KLF12: variants seen among roughly 807,000 people sequenced by gnomAD.
KLF12 encodes the protein KLF transcription factor 12.
A neutral mutation model predicts 37.8 loss-of-function variants in KLF12; 9 were observed. That is an observed-to-expected ratio of 0.24 (90% confidence interval 0.14 to 0.42). The LOEUF is 0.42. Ranked by LOEUF, KLF12 falls within the 10% of genes least tolerant of loss-of-function variation. The pLI is 1.00. For synonymous variants in KLF12, 208 were observed against 202.1 expected, an observed-to-expected ratio of 1.03 and a Z score of -0.25; for missense variants, 411 against 516.0, an observed-to-expected ratio of 0.80 and a Z score of 1.97.
At chr13:73,702,433 G>T (rs771878917) in intron 7 of KLF12, among the ~76,000 whole-genome samples, 7 of 152,130 alleles carry the variant, frequency 4.6e-5, no homozygotes, top group South Asian at 2.1e-4. Flanking sequence ...ATGCTGAAAG[G>T]TACATGTGTA....
At chr13:74,147,167 G>A in the KLF12 span, among the ~76,000 whole-genome samples, 65 of 152,312 alleles carry the variant, frequency 4.3e-4, no homozygotes, top group African/African-American at 1.5e-3. Flanking sequence ...TTTATCTAGA[G>A]ACTCTGAAGT....
At chr13:73,811,817 A>C (rs950540696) in intron 5 of KLF12, among the ~76,000 whole-genome samples, 3 of 152,222 alleles carry the variant, frequency 2.0e-5, no homozygotes, top group African/African-American at 7.2e-5. Context: ...CATATACAAT[A>C]TCAACATATA....
At chr13:73,716,871 T>C (rs978406421) in intron 6 of KLF12, among the ~76,000 whole-genome samples, 13 of 152,228 alleles carry the variant, frequency 8.5e-5, no homozygotes, top group African/African-American at 3.1e-4. Flanking sequence ...TAAAATATTT[T>C]AACCATCTCC....
rs545268197 is a variant in KLF12 at position 74,004,468 on chromosome 13, T to C, written c.-31-9415A>G. Among the ~76,000 whole-genome samples the C allele has an allele frequency of 2.0e-5, 3 of 152,288 alleles. No homozygotes were observed. The East Asian group carries it at 5.8e-4, about 29-fold the overall frequency. On this transcript the variant is annotated intron_variant, in intron 1 of 7. Coordinates refer to ENST00000377669, the MANE Select transcript of KLF12 (RefSeq NM_007249.5). ...AAAGGCAGAATTTTGAAACCTATAG[T>C]TTGGCTCCAGTCTTCATGATTTTAA...
chr13:74,160,287 C>T, the KLF12 span, among the ~76,000 whole-genome samples: 1 of 152,082 alleles, frequency 6.6e-6, no homozygotes, highest in Admixed American at 6.6e-5. Flanking sequence ...CCATGGAGAC[C>T]TCATTGATAC....
chr13:73,705,456 TA>T (rs561724164), intron 7 of KLF12, among the ~76,000 whole-genome samples: 90 of 152,246 alleles, frequency 5.9e-4, no homozygotes, highest in African/African-American at 2.1e-3. Flanking sequence ...GTAATTTTAG[TA>T]GAGATGGGTT....
chr13:74,269,027 C>A, the KLF12 span, among the ~76,000 whole-genome samples: 36 of 152,104 alleles, frequency 2.4e-4, no homozygotes, highest in Admixed American at 3.9e-4. Context: ...CTGGGGAAGA[C>A]CTTTGCATTG....
chr13:74,244,382 C>G, the KLF12 span, among the ~76,000 whole-genome samples: 3 of 152,148 alleles, frequency 2.0e-5, no homozygotes, highest in Non-Finnish European at 4.4e-5. Context: ...TGAGCTGGCT[C>G]CAATAATTCT....
the KLF12 span, among the ~76,000 whole-genome samples, chr13:74,245,598 A>T: frequency 6.6e-6 from 1 of 152,312 alleles, no homozygotes; most frequent in East Asian, 1.9e-4. Flanking sequence ...TAAAAACAGG[A>T]AATGATTGCT....
intron 7 of KLF12, among the ~76,000 whole-genome samples, chr13:73,711,320 G>A (rs556554819): frequency 1.3e-5 from 2 of 152,340 alleles, no homozygotes; most frequent in East Asian, 3.9e-4. Flanking sequence ...CAATGTAGAT[G>A]ATATACCCTC....
chr13:73,889,836 A>G (rs764889504), intron 3 of KLF12, among the ~76,000 whole-genome samples: 56 of 152,272 alleles, frequency 3.7e-4, no homozygotes, highest in Admixed American at 9.2e-4. Context: ...AAATAAAAGG[A>G]ACTAAATATA....
At chr13:74,171,599 A>C in the KLF12 span, among the ~76,000 whole-genome samples, 1 of 152,232 alleles carries the variant, frequency 6.6e-6, no homozygotes, top group South Asian at 2.1e-4. Context: ...GAAAGATGAT[A>C]TAAAAAGTCA....
intron 1 of KLF12, among the ~76,000 whole-genome samples, chr13:74,032,337 TC>T (rs1386092578): frequency 6.6e-6 from 1 of 152,132 alleles, no homozygotes; most frequent in African/African-American, 2.4e-5. Context: ...GATAATTGCA[TC>T]TAGATACATT....
At chr13:73,737,023 G>A (rs376157024) in intron 6 of KLF12, among the ~76,000 whole-genome samples, 12 of 152,066 alleles carry the variant, frequency 7.9e-5, no homozygotes, top group Non-Finnish European at 1.3e-4. Flanking sequence ...AAAAGAGTAC[G>A]TACCAGTGGA....
rs1397837284 is a variant in KLF12, at chr13:73,686,142, T to G, written c.*9348A>C. 3 of 152,642 alleles carry G rather than the reference T, an allele frequency of 2.0e-5. No individual in the cohort carries two copies. The East Asian group carries it at 5.8e-4, about 29-fold the overall frequency. The allele number at this position is 152,642 out of a possible 1,614,324, so 9.5% of individuals were successfully genotyped here. ...ACCTTCATGCCTTCATTCAGATAAT[T>G]ATACAAATGCATACAGTTAAAGGTT... On this transcript the variant is annotated 3_prime_UTR_variant, in exon 8 of 8. Coordinates refer to ENST00000377669, the MANE Select transcript of KLF12 (RefSeq NM_007249.5).
rs144734904 is a variant in KLF12 at position 73,805,766 on chromosome 13, C to G, written c.806+7386G>C. On this transcript the variant is annotated intron_variant, in intron 5 of 7. Coordinates refer to ENST00000377669, the MANE Select transcript of KLF12 (RefSeq NM_007249.5). ...GTTTTATGCGTATTGGAGTCCAAAG[C>G]TAAAAAATTCTGCTAATTTAATATA... is the stretch of plus-strand genomic sequence containing the variant. Among the ~76,000 whole-genome samples the G allele has an allele frequency of 1.4e-4, 21 of 152,100 alleles. 1 individual carries two copies. The highest frequency in any genetic ancestry group is 5.1e-4 in the African/African-American group (21 of 41,492).
chr13:73,807,864 C>G (rs1379715297), intron 5 of KLF12, among the ~76,000 whole-genome samples: 1 of 152,130 alleles, frequency 6.6e-6, no homozygotes, highest in African/African-American at 2.4e-5. Context: ...CCTAGTAAAA[C>G]AGAAATTCCT....
At chr13:73,900,231 C>G (rs1887978994) in intron 3 of KLF12, among the ~76,000 whole-genome samples, 2 of 152,126 alleles carry the variant, frequency 1.3e-5, no homozygotes, top group Non-Finnish European at 2.9e-5. Flanking sequence ...ATTAAATTAT[C>G]CAAGGAAGAC....
the KLF12 span, among the ~76,000 whole-genome samples, chr13:74,207,640 T>A: frequency 1.3e-5 from 2 of 152,044 alleles, no homozygotes; most frequent in African/African-American, 4.8e-5. Flanking sequence ...TCCCCTGCAC[T>A]CCAGCCTGGG....
Sources: allele counts gnomAD v4.1 joint callset (sites outside exome capture counted in the v4.1 genomes callset), GRCh38; gene constraint gnomAD v4.1.1; transcripts MANE v1.5; gene names NCBI Gene and HGNC (gene_info 2026-07-23, HGNC 2026-07-21).